VPS13B: variants seen among roughly 807,000 people sequenced by gnomAD.
VPS13B encodes the protein vacuolar protein sorting 13 homolog B, also known as intermembrane lipid transfer protein VPS13B.
VPS13B carries 285 observed loss-of-function variants against 426.4 expected under a neutral mutation model. That is an observed-to-expected ratio of 0.67 (90% CI 0.61 to 0.74). The LOEUF (loss-of-function observed/expected upper bound fraction) is 0.74. Among genes scored for constraint, VPS13B ranks in the 30% least tolerant of loss-of-function variants. VPS13B has a pLI of 0.00. For synonymous variants in VPS13B, 1,676 were observed against 1,676.4 expected, an observed-to-expected ratio of 1.00 and a Z score of 0.01; for missense variants, 4,537 against 4,782.6, an observed-to-expected ratio of 0.95 and a Z score of 1.51.
At chr8:99,804,294 A>G (rs1195928880) in intron 43 of VPS13B, 1 of 152,234 alleles carries the variant, frequency 6.6e-6, no homozygotes, top group Non-Finnish European at 1.5e-5. Context: ...TGCTGGCTGC[A>G]GTTTTTTCTG....
chr8:99,480,599 A>T (rs1819985384), intron 24 of VPS13B, among the ~76,000 whole-genome samples: 1 of 152,214 alleles, frequency 6.6e-6, no homozygotes, highest in African/African-American at 2.4e-5. Flanking sequence ...CTTTTTAATA[A>T]GATTTTTAGC....
chr8:99,325,594 T>A (rs1183011679), intron 19 of VPS13B, among the ~76,000 whole-genome samples: 1 of 151,410 alleles, frequency 6.6e-6, no homozygotes, highest in African/African-American at 2.4e-5. Flanking sequence ...TCTGTGTATA[T>A]CTGTGGCTCA....
chr8:99,742,380 G>A lies in VPS13B; in HGVS notation c.7050+21333G>A, dbSNP rs566717829. On this transcript the variant is annotated intron_variant, in intron 39 of 61. Transcript: ENST00000357162. ...TCCAGGACCAGATGGATTCACAGCC[G>A]AATTCTACCAGAGGTACAAGGAGGA... 3.0e-4 allele frequency among the ~76,000 whole-genome samples: 46 copies of A among 152,230 alleles called. 1 individual carries two copies. The highest frequency in any genetic ancestry group is 3.4e-3 in the Middle Eastern group (1 of 294).
chr8:99,759,461 C>A (rs536006626), intron 39 of VPS13B, among the ~76,000 whole-genome samples: 1 of 152,292 alleles, frequency 6.6e-6, no homozygotes, highest in East Asian at 1.9e-4. Flanking sequence ...ATTTAAAATA[C>A]CTTCTTACAA....
At chr8:99,036,255 G>C (rs1285863634) in intron 2 of VPS13B, among the ~76,000 whole-genome samples, 3 of 151,868 alleles carry the variant, frequency 2.0e-5, no homozygotes, top group African/African-American at 7.3e-5. Flanking sequence ...AGATTTTTGA[G>C]ATATATTCAA....
rs537987788 is a variant in VPS13B at position 99,553,526 on chromosome 8, T to C, written c.4746-2924T>C. Among the ~76,000 whole-genome samples, 16 of 152,238 alleles carry C rather than the reference T, an allele frequency of 1.1e-4. No homozygotes were observed. In the South Asian group the frequency reaches 3.3e-3, roughly 32 times the overall value. On this transcript the variant is annotated intron_variant, in intron 30 of 61. Transcript: ENST00000357162. Reference sequence around the variant, plus strand: ...AGATAATATACTTCCATAATAGTCATAAAATCTACAAGGTACTTTATGAAT... The same window carrying C: ...AGATAATATACTTCCATAATAGTCACAAAATCTACAAGGTACTTTATGAAT...
intron 21 of VPS13B, among the ~76,000 whole-genome samples, chr8:99,430,446 A>C: frequency 6.6e-6 from 1 of 152,310 alleles, no homozygotes; most frequent in Non-Finnish European, 1.5e-5. Context: ...TATTTGAATT[A>C]ACATAAGCTG....
intron 54 of VPS13B, among the ~76,000 whole-genome samples, chr8:99,845,864 G>A (rs940140742): frequency 3.9e-5 from 6 of 152,158 alleles, no homozygotes; most frequent in African/African-American, 1.2e-4. Flanking sequence ...TTCCAATAAA[G>A]CCTTATTCAC....
chr8:99,296,452 A>AT (rs1354642361), intron 19 of VPS13B, among the ~76,000 whole-genome samples: 1 of 152,150 alleles, frequency 6.6e-6, no homozygotes, highest in African/African-American at 2.4e-5. Flanking sequence ...ACAATATGCC[A>AT]TTTTTTCTAA....
intron 2 of VPS13B, among the ~76,000 whole-genome samples, chr8:99,015,039 T>C (rs1238083079): frequency 2.0e-5 from 3 of 152,116 alleles, no homozygotes; most frequent in Admixed American, 2.0e-4. Context: ...TTTTTAGTTA[T>C]AGTCCACAGC....
chr8:99,104,266 A>C (rs1484285765), intron 5 of VPS13B, among the ~76,000 whole-genome samples: 1 of 152,180 alleles, frequency 6.6e-6, no homozygotes, highest in Non-Finnish European at 1.5e-5. Flanking sequence ...GTATAGTAAA[A>C]ATATAGTATT....
intron 19 of VPS13B, among the ~76,000 whole-genome samples, chr8:99,301,334 C>A (rs1162794202): frequency 1.4e-5 from 2 of 144,654 alleles, no homozygotes; most frequent in African/African-American, 5.2e-5. Context: ...GCTCTTGTTG[C>A]GTAGGCTACA....
intron 16 of VPS13B, among the ~76,000 whole-genome samples, chr8:99,184,075 A>T (rs1340640675): frequency 6.6e-6 from 1 of 152,188 alleles, no homozygotes; most frequent in Non-Finnish European, 1.5e-5. Flanking sequence ...TTTTATTGCT[A>T]AATAGTAGTC....
At chr8:99,472,174 C>G (rs1181391483) in intron 24 of VPS13B, among the ~76,000 whole-genome samples, 4 of 151,844 alleles carry the variant, frequency 2.6e-5, no homozygotes, top group African/African-American at 9.7e-5. Context: ...TTTATAACAC[C>G]TCTTTCAGCA....
At chr8:99,587,549 T>A (rs911466927) in intron 33 of VPS13B, among the ~76,000 whole-genome samples, 1 of 151,810 alleles carries the variant, frequency 6.6e-6, no homozygotes, top group African/African-American at 2.4e-5. Context: ...ATTGTGGTTT[T>A]GATTTGCATT....
At chr8:99,681,412 T>C (rs1259524445) in intron 35 of VPS13B, among the ~76,000 whole-genome samples, 1 of 152,244 alleles carries the variant, frequency 6.6e-6, no homozygotes, top group African/African-American at 2.4e-5. Context: ...ACTGTCTCTA[T>C]GTGGTCCAGT....
chr8:99,728,842 G>A (rs528969641), intron 39 of VPS13B, among the ~76,000 whole-genome samples: 2 of 152,226 alleles, frequency 1.3e-5, no homozygotes, highest in South Asian at 4.1e-4. Context: ...ATTGCAAATT[G>A]CAGCAGGGCC....
At chr8:99,286,466 T>C (rs1032701137) in intron 19 of VPS13B, among the ~76,000 whole-genome samples, 1 of 152,160 alleles carries the variant, frequency 6.6e-6, no homozygotes, top group African/African-American at 2.4e-5. Context: ...CATTTGTTGA[T>C]CAGTAATATC....
chr8:99,559,893 C>T lies in VPS13B; in HGVS notation c.4949+3240C>T, dbSNP rs186210982. ...TAGGATTGACTTGGCAATGTGGGCTCTTTTTTGGTTCCATATGAACTTTAA... is the reference window on the plus strand; with the variant it reads ...TAGGATTGACTTGGCAATGTGGGCTTTTTTTTGGTTCCATATGAACTTTAA... On this transcript the variant is annotated intron_variant, in intron 31 of 61. Coordinates refer to ENST00000357162, the MANE Select transcript of VPS13B (RefSeq NM_152564.5). 4.3e-3 allele frequency among the ~76,000 whole-genome samples: 659 copies of T among 152,196 alleles called. 3 individuals are homozygous for T. The highest frequency in any genetic ancestry group is 0.015 in the African/African-American group (634 of 41,516).
Sources: gnomAD v4.1 joint callset for allele counts (sites outside exome capture counted in the v4.1 genomes callset) on GRCh38, gnomAD v4.1.1 for gene constraint, MANE v1.5 for transcripts, NCBI Gene and HGNC (gene_info 2026-07-23, HGNC 2026-07-21) for gene names.